The following SBF2 variants were observed in gnomAD, a reference collection of about 807,000 sequenced individuals.
SBF2 encodes myotubularin-related protein 13.
Under a neutral mutation model 225.2 loss-of-function variants are expected in SBF2, and 112 were observed. That is an observed-to-expected ratio of 0.50 (90% CI 0.43 to 0.58). The LOEUF (loss-of-function observed/expected upper bound fraction) is 0.58. Among genes scored for constraint, SBF2 ranks in the 20% least tolerant of loss-of-function variants. The pLI is 0.00. For missense variants in SBF2, 1,996 were observed against 2,206.2 expected (o/e 0.90, Z 1.91); for synonymous variants, 763 against 773.3 (o/e 0.99, Z 0.22).
chr11:9,894,930 C>G (rs780148469), intron 17 of SBF2, among the ~76,000 whole-genome samples: 3 of 150,806 alleles, frequency 2.0e-5, no homozygotes, highest in Non-Finnish European at 4.4e-5. Flanking sequence ...TGCAATGAGC[C>G]GAGATTGAGC....
intron 16 of SBF2, among the ~76,000 whole-genome samples, chr11:9,922,713 C>T (rs1221333792): frequency 6.6e-6 from 1 of 152,214 alleles, no homozygotes; most frequent in Admixed American, 6.5e-5. Context: ...TGAGCACCCC[C>T]ATTTTTCTGA....
At chr11:10,212,261 A>G (rs1957968033) in intron 1 of SBF2, among the ~76,000 whole-genome samples, 1 of 152,244 alleles carries the variant, frequency 6.6e-6, no homozygotes, top group Non-Finnish European at 1.5e-5. Context: ...ATTTCAAGTC[A>G]AAGCTCCATT....
chr11:10,200,784 A>C (rs1351173209), intron 1 of SBF2, among the ~76,000 whole-genome samples: 2 of 152,256 alleles, frequency 1.3e-5, no homozygotes, highest in African/African-American at 4.8e-5. Flanking sequence ...CAATAAAAAC[A>C]ATTGCAGTAG....
rs17353206 is a variant in SBF2, at chr11:9,807,776, G to C, written c.4443+224C>G. ...TTAGAGTGCTGGCTACTTCACTTGG[G>C]GCAAGCCCAACAGCCAGCTTAGCTG... On this transcript the variant is annotated intron_variant, in intron 32 of 39. Transcript: ENST00000256190. 132,721 of 582,776 alleles carry C rather than the reference G, an allele frequency of 0.23. 17,871 individuals carry two copies. Among genetic ancestry groups the C allele is most frequent in the Non-Finnish European group, 0.27 (89,339 of 327,082 alleles). 36.1% of individuals were successfully genotyped at this position (582,776 alleles called of 1,614,324 possible). A position where few individuals can be genotyped will look rare whatever the true frequency, so the allele number is the denominator to read the frequency against.
intron 13 of SBF2, among the ~76,000 whole-genome samples, chr11:9,983,485 T>A (rs1368554134): frequency 6.6e-6 from 1 of 152,102 alleles, no homozygotes; most frequent in Non-Finnish European, 1.5e-5. Flanking sequence ...TGATGGTCCT[T>A]CCCTATCCAC....
At chr11:10,213,904 C>T (rs755224176) in intron 1 of SBF2, among the ~76,000 whole-genome samples, 23 of 152,186 alleles carry the variant, frequency 1.5e-4, no homozygotes, top group Admixed American at 2.6e-4. Flanking sequence ...GCTCTGAGTT[C>T]ACTCTGCACT....
chr11:9,894,677 C>T (rs1861099404), intron 17 of SBF2, among the ~76,000 whole-genome samples: 1 of 151,994 alleles, frequency 6.6e-6, no homozygotes. Flanking sequence ...GAGTGAAACA[C>T]TGCCTCAAAA....
chr11:10,079,391 T>G (rs1009872057), intron 2 of SBF2, among the ~76,000 whole-genome samples: 1 of 152,188 alleles, frequency 6.6e-6, no homozygotes, highest in African/African-American at 2.4e-5. Context: ...TCCCCCTATT[T>G]ATCTATAAAG....
At chr11:9,788,777 T>G (rs1221571869) in intron 35 of SBF2, among the ~76,000 whole-genome samples, 2 of 150,186 alleles carry the variant, frequency 1.3e-5, no homozygotes, top group South Asian at 2.1e-4. Context: ...TTTTTTTTTT[T>G]GTATTTCTTA....
intron 24 of SBF2, among the ~76,000 whole-genome samples, chr11:9,843,143 C>T (rs1239775328): frequency 6.6e-6 from 1 of 152,188 alleles, no homozygotes; most frequent in Non-Finnish European, 1.5e-5. Context: ...TTGTTGGAGT[C>T]CTCCTACATG....
chr11:10,242,014 T>C (rs553795552), intron 1 of SBF2, among the ~76,000 whole-genome samples: 1 of 151,030 alleles, frequency 6.6e-6, no homozygotes, highest in East Asian at 2.0e-4. Context: ...CCACAGACCC[T>C]AGGACCTAAC....
At chr11:9,999,836 T>C (rs1486873570) in intron 8 of SBF2, among the ~76,000 whole-genome samples, 1 of 152,236 alleles carries the variant, frequency 6.6e-6, no homozygotes, top group Non-Finnish European at 1.5e-5. Flanking sequence ...ATTATAATGT[T>C]AAATAATATT....
chr11:9,993,954 A>G lies in SBF2; in HGVS notation c.1020T>C (p.Pro340=). Residue 340 remains proline, a synonymous_variant, in exon 10 of 40, where the codon CCT becomes CCC. Transcript: ENST00000256190. The part of the protein sequence containing the change: ...DLEVADHAFP[P]PRTALSHSKM... The stretch of plus-strand genomic sequence containing the variant: ...TTGAGTGGGATAAAGCTGTTCGTGG[A>G]GGAGGAAAAGCATGATCTGCTACTT... 1 of 1,245,072 alleles carries G rather than the reference A, an allele frequency of 8.0e-7. No homozygotes were observed. Among genetic ancestry groups the G allele is most frequent in the Non-Finnish European group, 1.2e-6 (1 of 842,938 alleles). The allele number at this position is 1,245,072 out of a possible 1,614,324, so 77.1% of individuals were successfully genotyped here.
intron 1 of SBF2, among the ~76,000 whole-genome samples, chr11:10,229,518 C>T (rs887135185): frequency 5.9e-5 from 9 of 151,908 alleles, no homozygotes; most frequent in African/African-American, 1.2e-4. Context: ...GTTGTGTCTT[C>T]GTTCTTGTTG....
intron 17 of SBF2, among the ~76,000 whole-genome samples, chr11:9,875,893 CGTT>C (rs777000003): frequency 2.7e-5 from 4 of 150,060 alleles, no homozygotes; most frequent in Admixed American, 6.7e-5. Flanking sequence ...ACATAACACT[CGTT>C]AAACTTAAAT....
chr11:10,093,216 T>C (rs1223390163), intron 2 of SBF2, among the ~76,000 whole-genome samples: 1 of 151,886 alleles, frequency 6.6e-6, no homozygotes, highest in Non-Finnish European at 1.5e-5. Flanking sequence ...AGTTTTGCCA[T>C]GTTGACCAAG....
chr11:9,834,683 G>A (rs777241117), intron 26 of SBF2, among the ~76,000 whole-genome samples: 1 of 152,116 alleles, frequency 6.6e-6, no homozygotes, highest in Non-Finnish European at 1.5e-5. Flanking sequence ...CCAAGCTATA[G>A]ACATAATCAC....
chr11:9,889,900 T>C (rs1860652065), intron 17 of SBF2, among the ~76,000 whole-genome samples: 1 of 152,128 alleles, frequency 6.6e-6, no homozygotes, highest in Non-Finnish European at 1.5e-5. Flanking sequence ...TATTTATTTA[T>C]TTATTTCTAT....
intron 2 of SBF2, among the ~76,000 whole-genome samples, chr11:10,151,517 T>C (rs1043781486): frequency 6.6e-6 from 1 of 152,206 alleles, no homozygotes; most frequent in Admixed American, 6.5e-5. Context: ...TCGCAAAGTA[T>C]ACAGCAGGTT....
Sources: gnomAD v4.1 joint callset for allele counts (sites outside exome capture counted in the v4.1 genomes callset) on GRCh38, gnomAD v4.1.1 for gene constraint, MANE v1.5 for transcripts, NCBI Gene and HGNC (gene_info 2026-07-23, HGNC 2026-07-21) for gene names.